The following NR3C2 variants were observed in gnomAD, a reference collection of about 807,000 sequenced individuals.
NR3C2 encodes the protein mineralocorticoid receptor.
NR3C2 carries 15 observed loss-of-function variants against 86.4 expected under a neutral mutation model. The observed-to-expected ratio is 0.17, with a 90% CI of 0.12 to 0.27. The LOEUF (loss-of-function observed/expected upper bound fraction) is 0.27. Among genes scored for constraint, NR3C2 ranks in the 10% least tolerant of loss-of-function variants. The probability of loss-of-function intolerance (pLI) is 1.00; values close to 1 mark genes in which losing one functional copy is unlikely to be tolerated. For missense variants in NR3C2, 960 were observed against 1,195.6 expected, an observed-to-expected ratio of 0.80 and a Z score of 2.91; for synonymous variants, 458 against 450.5, an observed-to-expected ratio of 1.02 and a Z score of -0.21.
chr4:148,433,987 T>C (rs993048593), intron 2 of NR3C2, among the ~76,000 whole-genome samples: 2 of 152,078 alleles, frequency 1.3e-5, no homozygotes, highest in Non-Finnish European at 2.9e-5. Flanking sequence ...TTTGAGGCAA[T>C]GACAATAAGA....
chr4:148,195,931 C>G (rs1337099498), intron 3 of NR3C2, among the ~76,000 whole-genome samples: 1 of 152,132 alleles, frequency 6.6e-6, no homozygotes, highest in African/African-American at 2.4e-5. Context: ...GAGATGAAGC[C>G]ACTAGACTAG....
At chr4:148,110,107 C>G (rs927452637) in intron 8 of NR3C2, among the ~76,000 whole-genome samples, 4 of 152,214 alleles carry the variant, frequency 2.6e-5, no homozygotes, top group Non-Finnish European at 5.9e-5. Flanking sequence ...TACATTTACT[C>G]CTAGTATCCT....
chr4:148,415,927 C>T (rs1365808325), intron 2 of NR3C2, among the ~76,000 whole-genome samples: 2 of 152,174 alleles, frequency 1.3e-5, no homozygotes, highest in African/African-American at 2.4e-5. Context: ...CCACTGATTT[C>T]GAGGCATTTT....
intron 3 of NR3C2, among the ~76,000 whole-genome samples, chr4:148,239,841 AT>A: frequency 6.6e-6 from 1 of 152,006 alleles, no homozygotes; most frequent in Non-Finnish European, 1.5e-5. Flanking sequence ...TTGTGGACAC[AT>A]TTTCAAGTGG....
chr4:148,285,996 C>T (rs1741501903), intron 2 of NR3C2, among the ~76,000 whole-genome samples: 1 of 152,102 alleles, frequency 6.6e-6, no homozygotes, highest in South Asian at 2.1e-4. Flanking sequence ...TTTAAAAAGA[C>T]AATTAAAAAC....
At chr4:148,135,709 T>G (rs980467449) in intron 6 of NR3C2, among the ~76,000 whole-genome samples, 3 of 346 alleles carry the variant, frequency 8.7e-3, no homozygotes, top group South Asian at 0.043. Flanking sequence ...GTTTTCAATT[T>G]AGGAGCAACC....
At chr4:148,087,678 T>G (rs1294402729) in intron 8 of NR3C2, among the ~76,000 whole-genome samples, 1 of 152,134 alleles carries the variant, frequency 6.6e-6, no homozygotes, top group Non-Finnish European at 1.5e-5. Context: ...AAACTGAAAC[T>G]GGACCCCTTC....
At chr4:148,320,345 G>C (rs1231977241) in intron 2 of NR3C2, among the ~76,000 whole-genome samples, 1 of 108,232 alleles carries the variant, frequency 9.2e-6, no homozygotes. Flanking sequence ...CTCTTTTTTG[G>C]TTGTGTCTCT....
chr4:148,232,257 G>A (rs1738504858), intron 3 of NR3C2, among the ~76,000 whole-genome samples: 1 of 152,200 alleles, frequency 6.6e-6, no homozygotes, highest in Non-Finnish European at 1.5e-5. Flanking sequence ...CTTATAAAAT[G>A]TATTTCTTAA....
chr4:148,304,981 G>C (rs1742540191), intron 2 of NR3C2, among the ~76,000 whole-genome samples: 1 of 149,250 alleles, frequency 6.7e-6, no homozygotes, highest in South Asian at 2.1e-4. Flanking sequence ...ATTTTTCCTG[G>C]TCATGACACA....
intron 2 of NR3C2, among the ~76,000 whole-genome samples, chr4:148,272,364 T>C (rs1349949808): frequency 1.3e-5 from 2 of 152,198 alleles, no homozygotes; most frequent in Non-Finnish European, 2.9e-5. Flanking sequence ...TAACATCTGT[T>C]TCTTACAAAT....
intron 6 of NR3C2, among the ~76,000 whole-genome samples, chr4:148,126,131 T>C (rs942105302): frequency 6.6e-6 from 1 of 152,238 alleles, no homozygotes; most frequent in Non-Finnish European, 1.5e-5. Flanking sequence ...GCACAGCCCA[T>C]CAGCCTTTCA....
At chr4:148,108,076 T>C (rs1731884162) in intron 8 of NR3C2, among the ~76,000 whole-genome samples, 1 of 152,090 alleles carries the variant, frequency 6.6e-6, no homozygotes, top group Admixed American at 6.5e-5. Context: ...ATGTCATTTG[T>C]GGTTATTGTG....
At chr4:148,249,874 GT>G (rs1214654811) in intron 3 of NR3C2, among the ~76,000 whole-genome samples, 1 of 152,216 alleles carries the variant, frequency 6.6e-6, no homozygotes, top group African/African-American at 2.4e-5. Flanking sequence ...CATTGCAAGA[GT>G]TGTGAGCTCC....
At chr4:148,414,767 C>T (rs910833614) in intron 2 of NR3C2, among the ~76,000 whole-genome samples, 11 of 152,056 alleles carry the variant, frequency 7.2e-5, no homozygotes, top group Non-Finnish European at 1.2e-4. Context: ...TTTCCTTTAC[C>T]TTTTGCCTTA....
In NR3C2 at chr4:148,136,083, A is replaced by AC. The variant is rs1219824042; in HGVS notation, c.2511-15796_2511-15795insG. ...AAAAAAAAAAAAAAAAAAACAAAAAAAAAAAACACCACCAAAACCAACAAA... is the reference window on the plus strand; with the variant it reads ...AAAAAAAAAAAAAAAAAAACAAAAAACAAAAAACACCACCAAAACCAACAAA... On this transcript the variant is annotated intron_variant, in intron 6 of 8. Coordinates refer to ENST00000358102, the MANE Select transcript of NR3C2 (RefSeq NM_000901.5). Among the ~76,000 whole-genome samples, 646 of 136,750 alleles carry AC rather than the reference A, an allele frequency of 4.7e-3. 7 individuals carry two copies. The highest frequency in any genetic ancestry group is 0.013 in the Middle Eastern group (3 of 238). 89.7% of individuals were successfully genotyped at this position (136,750 alleles called of 152,430 possible).
intron 2 of NR3C2, among the ~76,000 whole-genome samples, chr4:148,415,572 A>G (rs964120281): frequency 6.6e-6 from 1 of 152,180 alleles, no homozygotes; most frequent in African/African-American, 2.4e-5. Flanking sequence ...AAAAAGCAGC[A>G]TTCTCAGGGG....
At chr4:148,395,196 T>C (rs1052219803) in intron 2 of NR3C2, among the ~76,000 whole-genome samples, 5 of 152,194 alleles carry the variant, frequency 3.3e-5, no homozygotes, top group African/African-American at 9.7e-5. Context: ...TTGTTTTACA[T>C]CAAAATAAAT....
chr4:148,381,451 T>C (rs1419136199), intron 2 of NR3C2, among the ~76,000 whole-genome samples: 1 of 152,140 alleles, frequency 6.6e-6, no homozygotes, highest in Non-Finnish European at 1.5e-5. Context: ...CCCTTCTACT[T>C]GCTAGACCAA....
Sources: gnomAD v4.1 joint callset for allele counts (sites outside exome capture counted in the v4.1 genomes callset) on GRCh38, gnomAD v4.1.1 for gene constraint, MANE v1.5 for transcripts, NCBI Gene and HGNC (gene_info 2026-07-23, HGNC 2026-07-21) for gene names.